The following MAP4K5 variants were observed in gnomAD, a reference collection of about 807,000 sequenced individuals.
The protein encoded by MAP4K5 is mitogen-activated protein kinase kinase kinase kinase 5.
In MAP4K5, 82 loss-of-function variants were observed where a neutral mutation model predicts 135.6. The observed-to-expected ratio is 0.60, with a 90% CI of 0.51 to 0.73. MAP4K5 has a LOEUF of 0.73. Ranked by LOEUF, MAP4K5 falls within the 30% of genes least tolerant of loss-of-function variation. The pLI is 0.00. For synonymous variants in MAP4K5, 347 were observed against 335.0 expected (o/e 1.04, Z -0.39); for missense variants, 907 against 1,010.9 (o/e 0.90, Z 1.39).
chr14:50,536,802 G>A (rs1174083650), upstream of MAP4K5, among the ~76,000 whole-genome samples: 2 of 152,198 alleles, frequency 1.3e-5, no homozygotes, highest in Non-Finnish European at 2.9e-5. Context: ...AGAAGATTTA[G>A]GGTATCTGGC....
chr14:50,560,086 C>G, intron 1 of MAP4K5: 1 of 683,888 alleles, frequency 1.5e-6, no homozygotes, highest in Non-Finnish European at 2.5e-6. Flanking sequence ...CTTGGTTCAT[C>G]TGCTTTCTCC....
chr14:50,429,017 C>T (rs775145818), intron 29 of MAP4K5, among the ~76,000 whole-genome samples, 175 bp downstream of exon 29: 18 of 152,250 alleles, frequency 1.2e-4, no homozygotes, highest in Non-Finnish European at 2.2e-4. Context: ...TTAAAAATGG[C>T]TACCTCGGTG....
chr14:50,462,283 C>G (rs921877596), intron 13 of MAP4K5, among the ~76,000 whole-genome samples: 1 of 152,152 alleles, frequency 6.6e-6, no homozygotes, highest in African/African-American at 2.4e-5. Flanking sequence ...AAACTCACTA[C>G]AGAAGCTGAG....
chr14:50,437,867 C>A (rs1421301397), intron 25 of MAP4K5, 27 bp downstream of exon 25: 1 of 1,291,752 alleles, frequency 7.7e-7, no homozygotes, highest in South Asian at 1.2e-5. Context: ...TCCCCTCATT[C>A]AGTAGAATCA....
intron 3 of MAP4K5, among the ~76,000 whole-genome samples, chr14:50,500,760 G>A (rs1777523047): frequency 6.6e-6 from 1 of 152,182 alleles, no homozygotes; most frequent in South Asian, 2.1e-4. Flanking sequence ...TCTGGAGGTA[G>A]AGCTGAGGGA....
intron 14 of MAP4K5, among the ~76,000 whole-genome samples, chr14:50,453,811 T>C (rs2036542662): frequency 6.6e-6 from 1 of 152,144 alleles, no homozygotes; most frequent in African/African-American, 2.4e-5. Flanking sequence ...CTGTATTTCT[T>C]TTCCCTTGTT....
intron 9 of MAP4K5, among the ~76,000 whole-genome samples, chr14:50,474,353 G>A (rs1012799833): frequency 3.3e-5 from 5 of 150,186 alleles, no homozygotes; most frequent in East Asian, 3.9e-4. Context: ...TTGTGCCACC[G>A]CACTCCAGCC....
At chr14:50,520,820 CTTTTT>C (rs139101824) in intron 2 of MAP4K5, among the ~76,000 whole-genome samples, 1 of 107,944 alleles carries the variant, frequency 9.3e-6, no homozygotes, top group Non-Finnish European at 2.0e-5. Flanking sequence ...GCAAAGTCAT[CTTTTT>C]TTTTTTTTTT....
chr14:50,481,132 A>G (rs1320181088), intron 6 of MAP4K5, among the ~76,000 whole-genome samples: 1 of 151,746 alleles, frequency 6.6e-6, no homozygotes, highest in Non-Finnish European at 1.5e-5. Context: ...TGAACTTTAG[A>G]AATTAAAATA....
intron 1 of MAP4K5, chr14:50,542,608 T>C (rs1212038322): frequency 6.6e-6 from 1 of 152,220 alleles, no homozygotes; most frequent in Non-Finnish European, 1.5e-5. Context: ...GTAAATCATA[T>C]GGAACAAATG....
chr14:50,476,579 G>A (rs1470702838), intron 6 of MAP4K5, among the ~76,000 whole-genome samples: 7 of 152,078 alleles, frequency 4.6e-5, no homozygotes, highest in Non-Finnish European at 1.0e-4. Flanking sequence ...ACTTGCCTCC[G>A]CCTCCCAAGT....
Position 50,445,210 on chromosome 14 carries a change from C to T in MAP4K5, c.1186-16G>A, listed in dbSNP as rs1272284898. On this transcript the variant is annotated splice_polypyrimidine_tract_variant and intron_variant, in intron 17 of 32. Coordinates refer to ENST00000682126, the MANE Select transcript of MAP4K5 (RefSeq NM_006575.6). ...TTATCCTTGGCTAGTGGTACAAAGA[C>T]AAAAAAGTACTTTAACAGTTATCAT... The T allele has an allele frequency of 6.2e-7, 1 of 1,604,264 alleles. No individual in the cohort carries two copies. Among genetic ancestry groups the T allele is most frequent in the Non-Finnish European group, 8.5e-7 (1 of 1,176,368 alleles).
chr14:50,469,239 G>C (rs2036901216), intron 9 of MAP4K5, among the ~76,000 whole-genome samples: 1 of 152,172 alleles, frequency 6.6e-6, no homozygotes, highest in Admixed American at 6.5e-5. Flanking sequence ...CCTGCAAACT[G>C]ATAAGGGGCC....
intron 14 of MAP4K5, among the ~76,000 whole-genome samples, chr14:50,453,989 G>A (rs1237298518): frequency 1.3e-5 from 2 of 152,104 alleles, no homozygotes; most frequent in Non-Finnish European, 2.9e-5. Context: ...CTGTAAAAAT[G>A]CTTACAGTAG....
intron 28 of MAP4K5, among the ~76,000 whole-genome samples, chr14:50,434,053 A>C (rs550208412): frequency 6.6e-6 from 1 of 152,330 alleles, no homozygotes; most frequent in African/African-American, 2.4e-5. Context: ...AAACAGGATA[A>C]GTGAAGCTCT....
intron 23 of MAP4K5, among the ~76,000 whole-genome samples, chr14:50,439,324 G>C (rs2036170976): frequency 7.2e-6 from 1 of 139,342 alleles, no homozygotes; most frequent in South Asian, 2.3e-4. Flanking sequence ...TTTTTTCATA[G>C]GTAAGAATTA....
chr14:50,493,725 C>T lies in MAP4K5; in HGVS notation c.167-7531G>A, dbSNP rs1453459635. Among the ~76,000 whole-genome samples, 3 of 151,984 alleles carry T rather than the reference C, an allele frequency of 2.0e-5. No homozygotes were observed. The East Asian group carries it at 5.8e-4, about 29-fold the overall frequency. ...ATAGCATCAAAAATAACAATTAGGC[C>T]GGGTGCAGTGGGTCACGCCTGTAAT... is the stretch of plus-strand genomic sequence containing the variant. On this transcript the variant is annotated intron_variant, in intron 3 of 32. Coordinates refer to ENST00000682126, the MANE Select transcript of MAP4K5 (RefSeq NM_006575.6).
chr14:50,475,886 T>C (rs1266864572), intron 8 of MAP4K5, among the ~76,000 whole-genome samples: 1 of 152,230 alleles, frequency 6.6e-6, no homozygotes, highest in Non-Finnish European at 1.5e-5. Context: ...TTTGCATTTT[T>C]TCTACCACAA....
At chr14:50,454,671 A>C (rs1318288397) in intron 14 of MAP4K5, among the ~76,000 whole-genome samples, 1 of 152,108 alleles carries the variant, frequency 6.6e-6, no homozygotes, top group Non-Finnish European at 1.5e-5. Context: ...TTTTGGGCTA[A>C]TATTATGGAA....
Sources: gnomAD v4.1 joint callset for allele counts (sites outside exome capture counted in the v4.1 genomes callset) on GRCh38, gnomAD v4.1.1 for gene constraint, MANE v1.5 for transcripts, NCBI Gene and HGNC (gene_info 2026-07-23, HGNC 2026-07-21) for gene names.